The following PITPNB variants were observed in gnomAD, a reference collection of about 807,000 sequenced individuals.
PITPNB encodes the protein phosphatidylinositol transfer protein beta.
Under a neutral mutation model 45.9 loss-of-function variants are expected in PITPNB, and 16 were observed. The observed-to-expected ratio is 0.35, with a 90% confidence interval of 0.24 to 0.53. PITPNB has a LOEUF of 0.53. PITPNB is among the 20% of genes least tolerant of loss of function. The probability of loss-of-function intolerance (pLI) is 0.93; values close to 1 mark genes in which losing one functional copy is unlikely to be tolerated. For synonymous variants in PITPNB, 112 were observed against 108.9 expected (o/e 1.03, Z -0.18); for missense variants, 188 against 330.5 (o/e 0.57, Z 3.34).
chr22:27,903,451 A>G lies in PITPNB; in HGVS notation c.198-5559T>C, dbSNP rs375197086. On this transcript the variant is annotated intron_variant, in intron 3 of 11. Transcript: ENST00000335272. ...GCCATTGCACTCTAGCCTGGGCAAC[A>G]AGAGTGAAACTGTCTCAAAAAAAAA... is the stretch of plus-strand genomic sequence containing the variant. 7.4e-5 allele frequency among the ~76,000 whole-genome samples: 11 copies of G among 149,534 alleles called. 1 individual carries two copies. In the South Asian group the frequency reaches 2.4e-3, roughly 32 times the overall value.
intron 8 of PITPNB, among the ~76,000 whole-genome samples, chr22:27,869,218 A>T (rs1934577220): frequency 6.6e-6 from 1 of 152,184 alleles, no homozygotes; most frequent in Non-Finnish European, 1.5e-5. Flanking sequence ...CTATGCACAC[A>T]GTCACTTCAT....
rs1934065150 is a variant in PITPNB, at chr22:27,852,943, C to T, written c.*759G>A. The T allele has an allele frequency of 6.6e-6, 1 of 152,524 alleles. No individual in the cohort carries two copies. The highest frequency in any genetic ancestry group is 1.5e-5 in the Non-Finnish European group (1 of 68,024). 9.4% of individuals were successfully genotyped at this position (152,524 alleles called of 1,614,324 possible). A position where few individuals can be genotyped will look rare whatever the true frequency, so the allele number is the denominator to read the frequency against. ...TATTTGAAATTTAAAATACAAAAAT[C>T]CAATAAAAACCAGAAATTTTTTTTA... On this transcript the variant is annotated 3_prime_UTR_variant, in exon 12 of 12. Coordinates refer to ENST00000335272, the MANE Select transcript of PITPNB (RefSeq NM_012399.5).
At chr22:27,910,197 G>A (rs1935881546) in intron 3 of PITPNB, among the ~76,000 whole-genome samples, 3 of 152,122 alleles carry the variant, frequency 2.0e-5, no homozygotes, top group South Asian at 2.1e-4. Context: ...TAATCTGCCC[G>A]CCTCAGCCTC....
rs1934025856 is a variant in PITPNB at position 27,851,755 on chromosome 22, T to C, written c.*1947A>G. ...TTACACAAGAGACTGGCAAGTAAACTAGGTATTTTACATTCACCACACATT... is the reference window on the plus strand; with the variant it reads ...TTACACAAGAGACTGGCAAGTAAACCAGGTATTTTACATTCACCACACATT... On this transcript the variant is annotated 3_prime_UTR_variant, in exon 12 of 12. Transcript: ENST00000335272. 6.6e-6 allele frequency: 1 copy of C among 152,196 alleles called. No individual in the cohort carries two copies. Among genetic ancestry groups the C allele is most frequent in the African/African-American group, 2.4e-5 (1 of 41,454 alleles). The allele number at this position is 152,196 out of a possible 1,614,324, so 9.4% of individuals were successfully genotyped here.
At chr22:27,887,714 TTGAC>T (rs1569020773) in intron 7 of PITPNB, among the ~76,000 whole-genome samples, 1 of 152,156 alleles carries the variant, frequency 6.6e-6, no homozygotes, top group Non-Finnish European at 1.5e-5. Flanking sequence ...GCACTAAACA[TTGAC>T]TGCTGGTATG....
chr22:27,887,605 C>G (rs5752655), intron 7 of PITPNB, among the ~76,000 whole-genome samples: 1 of 151,940 alleles, frequency 6.6e-6, no homozygotes, highest in South Asian at 2.1e-4. Context: ...TGGGGTGCAG[C>G]CCCACCCCCA....
At chr22:27,854,682 A>C (rs1038476880) in intron 11 of PITPNB, among the ~76,000 whole-genome samples, 172 bp downstream of exon 11, 4 of 152,214 alleles carry the variant, frequency 2.6e-5, no homozygotes, top group African/African-American at 9.6e-5. Context: ...CCACAGGTAA[A>C]ATTTTTAAAG....
intron 7 of PITPNB, among the ~76,000 whole-genome samples, chr22:27,877,795 C>T (rs926419586): frequency 2.6e-5 from 4 of 152,078 alleles, no homozygotes; most frequent in Non-Finnish European, 1.5e-5. Flanking sequence ...TTCTTGACAG[C>T]TTGTGGAAAA....
Position 27,854,853 on chromosome 22 carries a change from C to G in PITPNB, c.*38+1G>C. On this transcript the variant is annotated splice_donor_variant, in intron 11 of 11. Transcript: ENST00000335272. LOFTEE classifies it low-confidence loss of function (3UTR_SPLICE). Reference sequence around the variant, plus strand: ...ATCTTTTTACCCAGGTCTTCACTTACACAGTTTGACATTGTCTCTGACCCT... The same window carrying G: ...ATCTTTTTACCCAGGTCTTCACTTAGACAGTTTGACATTGTCTCTGACCCT... 1 of 1,599,176 alleles carries G rather than the reference C, an allele frequency of 6.3e-7. No homozygotes were observed. The highest frequency in any genetic ancestry group is 8.6e-7 in the Non-Finnish European group (1 of 1,167,438).
At chr22:27,876,774 A>G (rs560419770) in intron 7 of PITPNB, among the ~76,000 whole-genome samples, 13 of 152,364 alleles carry the variant, frequency 8.5e-5, no homozygotes, top group African/African-American at 3.1e-4. Context: ...AGCATACAGA[A>G]TGCAACCTCA....
At chr22:27,918,394 T>C (rs1036166769) in intron 1 of PITPNB, among the ~76,000 whole-genome samples, 1 of 151,960 alleles carries the variant, frequency 6.6e-6, no homozygotes, top group Admixed American at 6.6e-5. Flanking sequence ...CAGACGAACA[T>C]TCAGAGGCAA....
chr22:27,862,978 T>A (rs1257895505), intron 8 of PITPNB, among the ~76,000 whole-genome samples: 1 of 152,204 alleles, frequency 6.6e-6, no homozygotes, highest in Non-Finnish European at 1.5e-5. Context: ...CACAGCTAGC[T>A]TCTAAGTGCC....
chr22:27,904,817 G>A (rs564314452), intron 3 of PITPNB, among the ~76,000 whole-genome samples: 1 of 152,248 alleles, frequency 6.6e-6, no homozygotes, highest in South Asian at 2.1e-4. Flanking sequence ...TTTGTGGGAA[G>A]GGAATAAAAT....
chr22:27,909,118 C>A (rs537260362), intron 3 of PITPNB, among the ~76,000 whole-genome samples: 1 of 152,020 alleles, frequency 6.6e-6, no homozygotes, highest in East Asian at 1.9e-4. Context: ...CAAAAGATCC[C>A]CCACCTGTAA....
chr22:27,916,642 A>T (rs1477188838), intron 1 of PITPNB, among the ~76,000 whole-genome samples: 1 of 152,138 alleles, frequency 6.6e-6, no homozygotes, highest in East Asian at 1.9e-4. Flanking sequence ...CTCTACTAAA[A>T]ATACAAAAAA....
At chr22:27,855,034 G>T in intron 10 of PITPNB, 95 bp from the exon 11 acceptor site, 1 of 841,324 alleles carries the variant, frequency 1.2e-6, no homozygotes, top group Non-Finnish European at 2.0e-6. Flanking sequence ...AGATTATGAA[G>T]TGATGTTCAT....
intron 7 of PITPNB, among the ~76,000 whole-genome samples, chr22:27,892,366 C>G (rs1935304405): frequency 6.6e-6 from 1 of 152,188 alleles, no homozygotes; most frequent in South Asian, 2.1e-4. Context: ...ATGCCTCCAG[C>G]AAAACCAAAG....
At position 27,914,362 on chromosome 22, in the gene PITPNB, G is replaced by T. The variant is rs1380531492; in HGVS notation, c.21-15C>A. The T allele has an allele frequency of 1.3e-6, 2 of 1,530,300 alleles. No homozygotes were observed. The highest frequency in any genetic ancestry group is 2.3e-5 in the East Asian group (1 of 43,774). The allele number at this position is 1,530,300 out of a possible 1,614,324, so 94.8% of individuals were successfully genotyped here. On this transcript the variant is annotated splice_polypyrimidine_tract_variant and intron_variant, in intron 1 of 11. Coordinates refer to ENST00000335272, the MANE Select transcript of PITPNB (RefSeq NM_012399.5). ...AAACCACACGGCTAAAAAGACAAAAGAAAAAATATATATATTACATATGAA... is the reference window on the plus strand; with the variant it reads ...AAACCACACGGCTAAAAAGACAAAATAAAAAATATATATATTACATATGAA...
At chr22:27,858,982 C>T (rs377528953) in intron 9 of PITPNB, among the ~76,000 whole-genome samples, 5 of 152,240 alleles carry the variant, frequency 3.3e-5, no homozygotes, top group Admixed American at 1.3e-4. Flanking sequence ...ATTACAAACT[C>T]TCCCTTAATT....
Sources: allele counts gnomAD v4.1 joint callset (sites outside exome capture counted in the v4.1 genomes callset), GRCh38; gene constraint gnomAD v4.1.1; transcripts MANE v1.5; gene names NCBI Gene and HGNC (gene_info 2026-07-23, HGNC 2026-07-21).